The following CCDC14 variants were observed in gnomAD, a reference collection of about 807,000 sequenced individuals.
CCDC14 encodes coiled-coil domain-containing protein 14.
CCDC14 carries 71 observed loss-of-function variants against 81.4 expected under a neutral mutation model. The observed-to-expected ratio is 0.87, with a 90% confidence interval of 0.72 to 1.06. The LOEUF (loss-of-function observed/expected upper bound fraction) is 1.06, where lower values mean the gene tolerates loss of function less well. Ranked by LOEUF, CCDC14 falls within the 50% of genes least tolerant of loss-of-function variation. The pLI is 0.00. For synonymous variants in CCDC14, 332 were observed against 364.8 expected (o/e 0.91, Z 1.03); for missense variants, 1,046 against 1,047.3 (o/e 1.00, Z 0.02).
downstream of CCDC14, among the ~76,000 whole-genome samples, chr3:123,911,437 G>A (rs1238999072): frequency 6.6e-6 from 1 of 152,174 alleles, no homozygotes; most frequent in East Asian, 1.9e-4. Flanking sequence ...GATTAAGGGA[G>A]TGTTAACTTA....
At chr3:123,898,179 T>A (rs1304176088) in intron 5 of CCDC14, among the ~76,000 whole-genome samples, 1 of 152,208 alleles carries the variant, frequency 6.6e-6, no homozygotes, top group Non-Finnish European at 1.5e-5. Context: ...GTGACTTAAT[T>A]TCTTCTGGAC....
At chr3:123,956,487 A>G (rs1362103969) in intron 2 of CCDC14, 60 bp from the exon 3 acceptor site, 2 of 1,198,318 alleles carry the variant, frequency 1.7e-6, no homozygotes, top group Middle Eastern at 1.9e-4. Flanking sequence ...ATTAGTAAGT[A>G]GTCATTTTCT....
chr3:123,955,756 T>A (rs1577339395), intron 5 of CCDC14, 87 bp downstream of exon 5: 24 of 1,227,020 alleles, frequency 2.0e-5, no homozygotes, highest in Non-Finnish European at 5.5e-6. Context: ...ATTATTAAAA[T>A]GAAAATCAAC....
At chr3:123,938,954 C>A (rs2036201840) in intron 9 of CCDC14, among the ~76,000 whole-genome samples, 1 of 151,918 alleles carries the variant, frequency 6.6e-6, no homozygotes, top group African/African-American at 2.4e-5. Context: ...ACATTCTGAT[C>A]TATAACCATA....
At chr3:123,942,738 A>G (rs2036413486) in intron 9 of CCDC14, among the ~76,000 whole-genome samples, 1 of 152,080 alleles carries the variant, frequency 6.6e-6, no homozygotes, top group Non-Finnish European at 1.5e-5. Flanking sequence ...AATATTTTGC[A>G]AAGTGTATTA....
In CCDC14 at chr3:123,914,088, C is replaced by T; in HGVS notation, c.*691G>A. On this transcript the variant is annotated 3_prime_UTR_variant, in exon 13 of 13. Coordinates refer to ENST00000409697, the MANE Select transcript of CCDC14 (RefSeq NM_001366335.1). ...AAAAAAAACCCACAAATTTCCCCAA[C>T]TATAGCTTATCTGTTAGCACTTCTT... is the stretch of plus-strand genomic sequence containing the variant. 1 of 985,640 alleles carries T rather than the reference C, an allele frequency of 1.0e-6. No homozygotes were observed. Among genetic ancestry groups the T allele is most frequent in the Non-Finnish European group, 1.2e-6 (1 of 829,796 alleles). The allele number at this position is 985,640 out of a possible 1,614,324, so 61.1% of individuals were successfully genotyped here. A position where few individuals can be genotyped will look rare whatever the true frequency, so the allele number is the denominator to read the frequency against.
chr3:123,910,562 A>G (rs2148768902), downstream of CCDC14, among the ~76,000 whole-genome samples: 1 of 151,936 alleles, frequency 6.6e-6, no homozygotes, highest in East Asian at 1.9e-4. Flanking sequence ...ACTCTGCATT[A>G]GTGTCATGGT....
chr3:123,926,653 T>C (rs546653974), intron 12 of CCDC14, among the ~76,000 whole-genome samples: 2 of 151,502 alleles, frequency 1.3e-5, no homozygotes, highest in South Asian at 4.2e-4. Flanking sequence ...CATGTTGTAG[T>C]AAGATCTGAA....
chr3:123,949,972 T>C (rs952615346), intron 5 of CCDC14, among the ~76,000 whole-genome samples: 12 of 152,226 alleles, frequency 7.9e-5, no homozygotes, highest in African/African-American at 2.4e-4. Flanking sequence ...CTGTACTTCA[T>C]TGTTTTCTCT....
rs1474086713 is a variant in CCDC14, at chr3:123,947,007, C to G, written c.997G>C (p.Ala333Pro). ...THRSPTQSQP[A>P]FLATNEEKCA... is the part of the protein sequence containing the mutation. Reference sequence around the variant, plus strand: ...TTTTCTTCATTAGTGGCCAAGAAAGCTGGTTGTGACTGAGTAGGGCTTCGG... The same window carrying G: ...TTTTCTTCATTAGTGGCCAAGAAAGGTGGTTGTGACTGAGTAGGGCTTCGG... Residue 333 changes from alanine to proline, a missense_variant, in exon 8 of 13, where the codon GCT becomes CCT. Transcript: ENST00000409697. The G allele has an allele frequency of 6.2e-7, 1 of 1,613,958 alleles. No individual in the cohort carries two copies. Among genetic ancestry groups the G allele is most frequent in the Non-Finnish European group, 8.5e-7 (1 of 1,179,860 alleles).
chr3:123,926,253 T>C (rs2035354542), intron 12 of CCDC14, among the ~76,000 whole-genome samples: 1 of 152,102 alleles, frequency 6.6e-6, no homozygotes, highest in African/African-American at 2.4e-5. Flanking sequence ...CCATTGTCTC[T>C]GAAATTAAAA....
At chr3:123,896,741 G>A (rs1019770986), downstream of CCDC14, among the ~76,000 whole-genome samples, 1 of 152,102 alleles carries the variant, frequency 6.6e-6, no homozygotes, top group Non-Finnish European at 1.5e-5. Flanking sequence ...TTTAAAATAT[G>A]ATTTGTAGAT....
the CCDC14 span, among the ~76,000 whole-genome samples, chr3:123,890,484 T>C: frequency 1.3e-5 from 2 of 152,160 alleles, no homozygotes; most frequent in Non-Finnish European, 2.9e-5. Context: ...ATTGGGTAAA[T>C]ATGGCCATTC....
intron 8 of CCDC14, among the ~76,000 whole-genome samples, chr3:123,945,675 C>T (rs9824907): frequency 0.12 from 17,670 of 152,114 alleles, 1,127 homozygotes; most frequent in Middle Eastern, 0.23. Flanking sequence ...GCTGAAAGTA[C>T]TTAAAATTAT....
intron 9 of CCDC14, among the ~76,000 whole-genome samples, chr3:123,935,003 C>G (rs763724201): frequency 6.6e-6 from 1 of 152,028 alleles, no homozygotes; most frequent in Non-Finnish European, 1.5e-5. Context: ...AAATTTGAAA[C>G]CTGTAGAATT....
At chr3:123,956,662 G>C in intron 2 of CCDC14, 78 bp downstream of exon 2, 2 of 1,171,970 alleles carry the variant, frequency 1.7e-6, no homozygotes, top group Non-Finnish European at 2.5e-6. Context: ...ATTTTCTGGG[G>C]TAGACGACAT....
At chr3:123,900,776 T>C (rs981909704) in intron 5 of CCDC14, among the ~76,000 whole-genome samples, 3 of 152,182 alleles carry the variant, frequency 2.0e-5, no homozygotes, top group African/African-American at 7.2e-5. Context: ...TGGAAGAGAA[T>C]ACTTAATATA....
intron 12 of CCDC14, among the ~76,000 whole-genome samples, chr3:123,929,978 A>G (rs986682551): frequency 6.6e-6 from 1 of 152,260 alleles, no homozygotes; most frequent in Admixed American, 6.5e-5. Flanking sequence ...AAAGACTTCC[A>G]TAAGAAGGGA....
At chr3:123,910,108 C>T (rs544788639), downstream of CCDC14, among the ~76,000 whole-genome samples, 21 of 152,158 alleles carry the variant, frequency 1.4e-4, no homozygotes, top group Non-Finnish European at 2.5e-4. Context: ...CCTTAGTCTT[C>T]GAGGAAATGC....
Sources: allele counts gnomAD v4.1 joint callset (sites outside exome capture counted in the v4.1 genomes callset), GRCh38; gene constraint gnomAD v4.1.1; transcripts MANE v1.5; gene names NCBI Gene and HGNC (gene_info 2026-07-23, HGNC 2026-07-21).